ANK1: variants seen among roughly 807,000 people sequenced by gnomAD.
ANK1 encodes the protein ankyrin 1.
ANK1 carries 51 observed loss-of-function variants against 210.4 expected under a neutral mutation model. That is an observed-to-expected ratio of 0.24 (90% CI 0.19 to 0.31). ANK1 has a LOEUF of 0.31. Among genes scored for constraint, ANK1 ranks in the 10% least tolerant of loss-of-function variants. The pLI, the probability that ANK1 is intolerant of heterozygous loss-of-function variation, is 1.00. For synonymous variants in ANK1, 967 were observed against 1,025.9 expected (o/e 0.94, Z 1.10); for missense variants, 2,051 against 2,504.4 (o/e 0.82, Z 3.86).
At chr8:41,803,006 AAAGAAAG>A (rs1850206323) in intron 1 of ANK1, among the ~76,000 whole-genome samples, 1 of 86,476 alleles carries the variant, frequency 1.2e-5, no homozygotes, top group African/African-American at 5.5e-5. Flanking sequence ...AGAAAGAAAG[AAAGAAAG>A]AAAGAAAGAA....
chr8:41,774,978 A>T (rs1843693404), intron 1 of ANK1, among the ~76,000 whole-genome samples: 1 of 152,216 alleles, frequency 6.6e-6, no homozygotes, highest in Admixed American at 6.5e-5. Context: ...GCCTGCTGGT[A>T]TGCGAGGAGG....
chr8:41,683,972 G>C (rs1268217399), intron 37 of ANK1, among the ~76,000 whole-genome samples: 1 of 152,208 alleles, frequency 6.6e-6, no homozygotes, highest in South Asian at 2.1e-4. Flanking sequence ...GATAGAAAAG[G>C]GGGAGAGGAA....
chr8:41,712,828 A>G (rs528374865), intron 16 of ANK1, among the ~76,000 whole-genome samples: 86 of 152,254 alleles, frequency 5.6e-4, no homozygotes, highest in Non-Finnish European at 1.2e-3. Flanking sequence ...AATATAATGA[A>G]CCTGGCTCCC....
intron 1 of ANK1, among the ~76,000 whole-genome samples, chr8:41,894,711 C>T (rs941340791): frequency 1.3e-5 from 2 of 152,186 alleles, no homozygotes; most frequent in African/African-American, 2.4e-5. Context: ...AATGGAAACA[C>T]AGAGCACTCC....
At chr8:41,739,637 C>A (rs747979003) in intron 2 of ANK1, among the ~76,000 whole-genome samples, 2 of 150,482 alleles carry the variant, frequency 1.3e-5, no homozygotes, top group Non-Finnish European at 2.9e-5. Context: ...CAACATGCCT[C>A]TTCTTCTGTG....
At position 41,797,383 on chromosome 8, in the gene ANK1, G is replaced by C. The variant is rs1848947078; in HGVS notation, c.27+129C>G. 3.8e-6 allele frequency: 3 copies of C among 789,526 alleles called. No individual in the cohort carries two copies. Among genetic ancestry groups the C allele is most frequent in the African/African-American group, 1.7e-5 (1 of 57,672 alleles). The allele number at this position is 789,526 out of a possible 1,614,324, so 48.9% of individuals were successfully genotyped here. On this transcript the variant is annotated intron_variant, in intron 1 of 42. Coordinates refer to ENST00000289734, the MANE Select transcript of ANK1 (RefSeq NM_000037.4). The surrounding 1 kb of genome is among the most constrained non-coding windows in gnomAD (Gnocchi z 4.0). Reference sequence around the variant, plus strand: ...CGATGTGCCGCTATGCTAAGGCAGGGAGCCCACGGGGAGGCGAGGCGGGTG... The same window carrying C: ...CGATGTGCCGCTATGCTAAGGCAGGCAGCCCACGGGGAGGCGAGGCGGGTG...
rs1316009343 is a variant in ANK1, at chr8:41,699,460, T to C, written c.2550A>G (p.Leu850=). 6.2e-7 allele frequency: 1 copy of C among 1,614,116 alleles called. No individual in the cohort carries two copies. Among genetic ancestry groups the C allele is most frequent in the Admixed American group, 1.7e-5 (1 of 60,028 alleles). Residue 850 remains leucine, a synonymous_variant, in exon 23 of 43, where the codon CTA becomes CTG. Coordinates refer to ENST00000289734, the MANE Select transcript of ANK1 (RefSeq NM_000037.4). ...EKELLDFVPK[L]DQVVESPAIP... ...CCGGGAGCACTGCTCACACTTGGTCTAGCTTCGGCACAAAATCCAGCAGCT... is the reference window on the plus strand; with the variant it reads ...CCGGGAGCACTGCTCACACTTGGTCCAGCTTCGGCACAAAATCCAGCAGCT...
At chr8:41,698,192 T>C in intron 23 of ANK1, 71 bp from the exon 24 acceptor site, 1 of 1,499,114 alleles carries the variant, frequency 6.7e-7, no homozygotes, top group East Asian at 2.3e-5. Flanking sequence ...TCCTCTTGCC[T>C]CCAAGCCTCT....
chr8:41,684,607 T>C lies in ANK1; in HGVS notation c.4474A>G (p.Asn1492Asp), dbSNP rs1370899625. The C allele has an allele frequency of 1.2e-6, 2 of 1,613,708 alleles. No homozygotes were observed. Among genetic ancestry groups the C allele is most frequent in the African/African-American group, 1.3e-5 (1 of 74,874 alleles). ...MLEGSGRQSR[N>D]LKPDRRHTDR... ...GTGTGCCGCCTGTCTGGCTTCAAGT[T>C]GCGGCTCTGTCGGCCGGAACCCTCC... The change falls in exon 37 of 43, where the codon AAC (asparagine) becomes GAC (aspartate). Residue 1492 changes from asparagine to aspartate, a missense_variant. By Grantham distance (23) the Asn-to-Asp change is conservative. Around this residue, in one of 6 missense-constraint regions of ANK1, gnomAD observed 496 missense variants for 533.4 expected, o/e 0.93. Coordinates refer to ENST00000289734, the MANE Select transcript of ANK1 (RefSeq NM_000037.4).
intron 37 of ANK1, among the ~76,000 whole-genome samples, chr8:41,676,615 T>C (rs1196921081): frequency 6.6e-6 from 1 of 152,204 alleles, no homozygotes; most frequent in African/African-American, 2.4e-5. Context: ...TTTTATGGAT[T>C]GTGCTTTTGG....
chr8:41,822,132 G>GAGAAAGAAAGAA (rs71239083), intron 1 of ANK1, among the ~76,000 whole-genome samples: 13 of 41,042 alleles, frequency 3.2e-4, no homozygotes, highest in Admixed American at 1.4e-3. Flanking sequence ...GAGAAAGAAA[G>GAGAAAGAAAGAA]AGAAAGAAAG....
Position 41,842,253 on chromosome 8 carries a change from G to A in ANK1, c.126+54102C>T, listed in dbSNP as rs141590720. Among the ~76,000 whole-genome samples the A allele has an allele frequency of 4.4e-3, 667 of 152,318 alleles. 2 individuals carry two copies. The highest frequency in any genetic ancestry group is 0.027 in the East Asian group (139 of 5,184). On this transcript the variant is annotated intron_variant, in intron 1 of 42. Coordinates refer to the ANK1 transcript ENST00000265709. ...CACGCCTATAATCCCAGCACTTTGG[G>A]AGGCCAAGGTGGGCACATCATGAGG...
chr8:41,858,656 T>C (rs1812669138), intron 1 of ANK1, among the ~76,000 whole-genome samples: 1 of 152,242 alleles, frequency 6.6e-6, no homozygotes, highest in Non-Finnish European at 1.5e-5. Flanking sequence ...AGGCCCGGAT[T>C]CCGCTCCTTC....
At chr8:41,865,320 T>A (rs1814184992) in intron 1 of ANK1, among the ~76,000 whole-genome samples, 1 of 152,104 alleles carries the variant, frequency 6.6e-6, no homozygotes, top group Non-Finnish European at 1.5e-5. Flanking sequence ...CCTAGCAAGG[T>A]GTCCGGCTCC....
At chr8:41,686,692 T>C (rs776495056) in intron 35 of ANK1, among the ~76,000 whole-genome samples, 8 of 152,192 alleles carry the variant, frequency 5.3e-5, no homozygotes, top group Non-Finnish European at 1.0e-4. Flanking sequence ...CAGCACTGCC[T>C]GGGCCACGCC....
At chr8:41,896,217 G>T in intron 1 of ANK1, 3 of 1,260,116 alleles carry the variant, frequency 2.4e-6, no homozygotes, top group Non-Finnish European at 3.1e-6. Context: ...CGCCCACCGA[G>T]CCTTCCCCGC....
At chr8:41,711,869 A>T (rs1482901283) in intron 16 of ANK1, among the ~76,000 whole-genome samples, 1 of 152,042 alleles carries the variant, frequency 6.6e-6, no homozygotes, top group Non-Finnish European at 1.5e-5. Flanking sequence ...AACCTCCAAA[A>T]GACTTTATGG....
At chr8:41,835,443 C>G (rs541317592) in intron 1 of ANK1, among the ~76,000 whole-genome samples, 2 of 152,030 alleles carry the variant, frequency 1.3e-5, no homozygotes, top group Non-Finnish European at 2.9e-5. Context: ...CACAGCGAGA[C>G]TCCGTCTCAA....
intron 1 of ANK1, among the ~76,000 whole-genome samples, chr8:41,862,891 A>G (rs1261147533): frequency 6.6e-6 from 1 of 152,052 alleles, no homozygotes; most frequent in African/African-American, 2.4e-5. Flanking sequence ...ATGCACCAAT[A>G]GTCCCAGGTA....
Sources: allele counts gnomAD v4.1 joint callset (sites outside exome capture counted in the v4.1 genomes callset), GRCh38; gene constraint gnomAD v4.1.1; regional missense constraint gnomAD v4.1.1; non-coding constraint Gnocchi (gnomAD v3.1); transcripts MANE v1.5; gene names NCBI Gene and HGNC (gene_info 2026-07-23, HGNC 2026-07-21).